The following CCSER1 variants were observed in gnomAD, a reference collection of about 807,000 sequenced individuals.
CCSER1 encodes the protein coiled-coil serine rich protein 1.
A neutral mutation model predicts 82.0 loss-of-function variants in CCSER1; 41 were observed. The observed-to-expected ratio is 0.50, with a 90% CI of 0.39 to 0.65. The LOEUF (loss-of-function observed/expected upper bound fraction) is 0.65, where lower values mean the gene tolerates loss of function less well. Among genes scored for constraint, CCSER1 ranks in the 30% least tolerant of loss-of-function variants. The pLI is 0.00. For synonymous variants in CCSER1, 414 were observed against 383.9 expected (o/e 1.08, Z -0.92); for missense variants, 1,119 against 1,064.2 (o/e 1.05, Z -0.72).
At chr4:90,822,727 C>CAAAAAA (rs58985334) in intron 8 of CCSER1, among the ~76,000 whole-genome samples, 2 of 76,838 alleles carry the variant, frequency 2.6e-5, no homozygotes, top group African/African-American at 4.8e-5. Context: ...GACTCCATCT[C>CAAAAAA]AAAAAAAAAA....
In CCSER1 at chr4:91,455,940, A is replaced by G. The variant is rs1265787027; in HGVS notation, c.2218-142632A>G. On this transcript the variant is annotated intron_variant, in intron 10 of 10. Coordinates refer to ENST00000509176, the MANE Select transcript of CCSER1 (RefSeq NM_001145065.2). ...TGTTAAGAATGCATAGTGAAGGGGA[A>G]TTCAGAGACAAGGAGGTAAACTGGA... 7.9e-5 allele frequency among the ~76,000 whole-genome samples: 12 copies of G among 152,072 alleles called. 1 individual carries two copies. The highest frequency in any genetic ancestry group is 1.8e-4 in the Non-Finnish European group (12 of 67,976).
At chr4:91,156,259 A>G (rs990504043) in intron 10 of CCSER1, among the ~76,000 whole-genome samples, 15 of 151,818 alleles carry the variant, frequency 9.9e-5, no homozygotes, top group Non-Finnish European at 1.8e-4. Context: ...CTAACAAATA[A>G]TAAATGAAAT....
intron 7 of CCSER1, chr4:90,781,163 C>A (rs1753723101): frequency 3.4e-6 from 2 of 582,144 alleles, no homozygotes; most frequent in African/African-American, 2.0e-5. Flanking sequence ...TCCCACCAAG[C>A]CCCACCTCCA....
chr4:90,648,339 A>AAGAAAGAG (rs1209452793), intron 6 of CCSER1, among the ~76,000 whole-genome samples: 1 of 148,416 alleles, frequency 6.7e-6, no homozygotes, highest in Non-Finnish European at 1.5e-5. Context: ...GAAAGAAAGA[A>AAGAAAGAG]AGAGAGTTGC....
chr4:90,844,117 A>G (rs1173116605), intron 8 of CCSER1, among the ~76,000 whole-genome samples: 1 of 150,858 alleles, frequency 6.6e-6, no homozygotes, highest in African/African-American at 2.4e-5. Context: ...GTGTGTATGT[A>G]TATATATATA....
At chr4:90,631,033 A>G (rs1230105653) in intron 6 of CCSER1, among the ~76,000 whole-genome samples, 3 of 151,892 alleles carry the variant, frequency 2.0e-5, no homozygotes, top group Non-Finnish European at 2.9e-5. Context: ...AGCTGGGACA[A>G]CAGGCACCTG....
intron 5 of CCSER1, among the ~76,000 whole-genome samples, chr4:90,613,084 T>C (rs992286800): frequency 6.6e-6 from 1 of 152,184 alleles, no homozygotes; most frequent in African/African-American, 2.4e-5. Context: ...GGAAGAACCT[T>C]GTACTACATT....
At chr4:90,671,453 C>T (rs1732790476) in intron 6 of CCSER1, among the ~76,000 whole-genome samples, 2 of 152,068 alleles carry the variant, frequency 1.3e-5, no homozygotes, top group South Asian at 4.1e-4. Context: ...CCCAAGGAAA[C>T]ACTTTTTCTG....
intron 10 of CCSER1, among the ~76,000 whole-genome samples, chr4:91,428,849 TTGTC>T (rs776482263): frequency 2.8e-4 from 43 of 152,164 alleles, no homozygotes; most frequent in Middle Eastern, 3.4e-3. Flanking sequence ...CATCACTCTA[TTGTC>T]TGTCTATTAT....
intron 9 of CCSER1, among the ~76,000 whole-genome samples, chr4:90,999,072 T>G (rs1737765676): frequency 6.6e-6 from 1 of 152,224 alleles, no homozygotes; most frequent in African/African-American, 2.4e-5. Flanking sequence ...ATTTCATTTT[T>G]CATGGCTCCA....
At chr4:90,934,271 T>C (rs184503417) in intron 9 of CCSER1, among the ~76,000 whole-genome samples, 143 of 152,294 alleles carry the variant, frequency 9.4e-4, no homozygotes, top group Admixed American at 8.2e-3. Flanking sequence ...AATTGTGACG[T>C]TATTTGTGTG....
At chr4:90,673,091 G>C (rs1255180447) in intron 6 of CCSER1, among the ~76,000 whole-genome samples, 3 of 151,914 alleles carry the variant, frequency 2.0e-5, no homozygotes. Context: ...TAAGTTATTG[G>C]AAAAATGGCC....
intron 5 of CCSER1, among the ~76,000 whole-genome samples, chr4:90,614,788 G>A (rs1170711437): frequency 2.6e-5 from 4 of 152,186 alleles, no homozygotes; most frequent in African/African-American, 9.7e-5. Flanking sequence ...TAATGTAGAA[G>A]CACAGAAAGT....
intron 1 of CCSER1, among the ~76,000 whole-genome samples, chr4:90,178,700 A>G (rs1230888002): frequency 6.6e-6 from 1 of 152,128 alleles, no homozygotes; most frequent in Non-Finnish European, 1.5e-5. Flanking sequence ...TGAAATGACA[A>G]CAATAGTAAG....
intron 10 of CCSER1, among the ~76,000 whole-genome samples, chr4:91,225,055 T>C (rs1164013903): frequency 6.7e-6 from 1 of 149,856 alleles, no homozygotes. Context: ...TAATTTTATT[T>C]ATAAAAATAG....
intron 9 of CCSER1, among the ~76,000 whole-genome samples, chr4:91,031,073 G>A (rs1740940194): frequency 6.6e-6 from 1 of 152,120 alleles, no homozygotes; most frequent in Non-Finnish European, 1.5e-5. Context: ...ATGTGAAAGT[G>A]TTTTTGTTTT....
intron 10 of CCSER1, among the ~76,000 whole-genome samples, chr4:91,474,336 T>C (rs1757442428): frequency 6.6e-6 from 1 of 151,966 alleles, no homozygotes; most frequent in Admixed American, 6.6e-5. Flanking sequence ...GAATTAATAA[T>C]GGATAATAAA....
intron 9 of CCSER1, among the ~76,000 whole-genome samples, chr4:90,948,509 G>A (rs958840126): frequency 7.9e-5 from 12 of 151,466 alleles, no homozygotes; most frequent in South Asian, 6.2e-4. Flanking sequence ...TTATAAATAC[G>A]AGAAGTATTA....
chr4:91,133,433 A>G (rs1464113448), intron 10 of CCSER1, among the ~76,000 whole-genome samples: 2 of 152,158 alleles, frequency 1.3e-5, no homozygotes, highest in Non-Finnish European at 2.9e-5. Context: ...ATGAGTAAAT[A>G]TATTTACCAT....
Sources: allele counts gnomAD v4.1 joint callset (sites outside exome capture counted in the v4.1 genomes callset), GRCh38; gene constraint gnomAD v4.1.1; transcripts MANE v1.5; gene names NCBI Gene and HGNC (gene_info 2026-07-23, HGNC 2026-07-21).